The following PCNX2 variants were observed in gnomAD, a reference collection of about 807,000 sequenced individuals.
The protein encoded by PCNX2 is pecanex 2.
A neutral mutation model predicts 223.8 loss-of-function variants in PCNX2; 168 were observed. The ratio of observed to expected loss-of-function variants is 0.75; its 90% CI spans 0.66 to 0.85. The LOEUF is 0.85. Among genes scored for constraint, PCNX2 ranks in the 40% least tolerant of loss-of-function variants. The pLI is 0.00. For missense variants in PCNX2, 2,507 were observed against 2,675.5 expected (o/e 0.94, Z 1.39); for synonymous variants, 1,006 against 1,052.6 (o/e 0.96, Z 0.86).
intron 23 of PCNX2, among the ~76,000 whole-genome samples, chr1:233,089,466 C>T (rs1035353969): frequency 6.6e-6 from 1 of 152,222 alleles, no homozygotes; most frequent in African/African-American, 2.4e-5. Context: ...CATTACTTCT[C>T]TCTTCTCACC....
chr1:232,999,170 C>T lies in PCNX2; in HGVS notation c.5538G>A (p.Lys1846=). The T allele has an allele frequency of 6.2e-7, 1 of 1,613,972 alleles. No individual in the cohort carries two copies. Among genetic ancestry groups the T allele is most frequent in the Non-Finnish European group, 8.5e-7 (1 of 1,179,850 alleles). ...TSYLGTHRQL[K]NIWGGPITLD... Reference sequence around the variant, plus strand: ...AAGTGATGGGTCCACCCCAGATGTTCTTCAGCTGCCTGTGTGTCCCTAGGT... The same window carrying T: ...AAGTGATGGGTCCACCCCAGATGTTTTTCAGCTGCCTGTGTGTCCCTAGGT... The change falls in exon 31 of 34, where the codon AAG becomes AAA. Residue 1846 remains lysine (K), a synonymous_variant. Transcript: ENST00000258229.
intron 21 of PCNX2, among the ~76,000 whole-genome samples, chr1:233,129,062 G>A (rs994441275): frequency 3.3e-5 from 5 of 152,224 alleles, no homozygotes; most frequent in African/African-American, 1.2e-4. Context: ...CGCTGTGGGG[G>A]CCCCTCTCTG....
chr1:233,120,202 GA>G (rs148327443), intron 21 of PCNX2, among the ~76,000 whole-genome samples: 85 of 127,072 alleles, frequency 6.7e-4, no homozygotes, highest in African/African-American at 2.2e-3. Flanking sequence ...AAAGAAAAAA[GA>G]AAAAAAAAGA....
intron 23 of PCNX2, among the ~76,000 whole-genome samples, chr1:233,082,239 T>C (rs1018612246): frequency 1.3e-5 from 2 of 152,152 alleles, no homozygotes; most frequent in African/African-American, 2.4e-5. Context: ...TTAGAGAAGA[T>C]GAGCAGATGT....
chr1:233,273,829 T>G (rs1660777809), intron 1 of PCNX2, among the ~76,000 whole-genome samples: 1 of 152,098 alleles, frequency 6.6e-6, no homozygotes, highest in Non-Finnish European at 1.5e-5. Context: ...TTCACCATGT[T>G]GGCCAGGCTG....
At chr1:233,292,141 C>CA (rs1483512563) in intron 1 of PCNX2, 6 of 665,400 alleles carry the variant, frequency 9.0e-6, no homozygotes, top group African/African-American at 8.0e-5. Context: ...TTAAAATACT[C>CA]AAAGTATCTG....
intron 8 of PCNX2, among the ~76,000 whole-genome samples, chr1:233,243,822 CTTTATTT>C (rs954308166): frequency 7.4e-5 from 11 of 148,236 alleles, no homozygotes; most frequent in African/African-American, 1.8e-4. Flanking sequence ...GTACTATCAC[CTTTATTT>C]TTTATTTTTT....
intron 13 of PCNX2, among the ~76,000 whole-genome samples, chr1:233,206,321 ATGTGCCCTTGAGCTGTGGACTCC>A (rs1681457398): frequency 6.6e-6 from 1 of 151,864 alleles, no homozygotes; most frequent in East Asian, 1.9e-4. Context: ...CCAGGTCCTC[ATGTGCCCTTGAGCTGTGGACTCC>A]AACACTGCTG....
chr1:233,290,369 G>A (rs954338854), intron 1 of PCNX2, among the ~76,000 whole-genome samples: 2 of 152,194 alleles, frequency 1.3e-5, no homozygotes, highest in African/African-American at 2.4e-5. Flanking sequence ...ATAAGGGATC[G>A]CTAGAAGGAT....
intron 1 of PCNX2, among the ~76,000 whole-genome samples, chr1:233,271,916 C>G (rs533890082): frequency 9.2e-5 from 14 of 152,272 alleles, no homozygotes; most frequent in African/African-American, 3.4e-4. Context: ...GTGATGCCTC[C>G]AGATTTGTTC....
chr1:233,321,309 T>C, the PCNX2 span, among the ~76,000 whole-genome samples: 1 of 152,170 alleles, frequency 6.6e-6, no homozygotes, highest in Non-Finnish European at 1.5e-5. Context: ...TTTCTTTTTA[T>C]TTTTTTGAGA....
chr1:233,035,045 C>A (rs77704346), intron 25 of PCNX2, among the ~76,000 whole-genome samples: 1,531 of 152,194 alleles, frequency 0.01, 12 homozygotes, highest in Non-Finnish European at 0.016. Context: ...TGATAGGGAC[C>A]AGAACTAAGG....
At chr1:232,987,078 C>T (rs1015361327) in intron 32 of PCNX2, among the ~76,000 whole-genome samples, 2 of 152,216 alleles carry the variant, frequency 1.3e-5, no homozygotes, top group African/African-American at 4.8e-5. Flanking sequence ...CCCATGCCCT[C>T]GCCTCTTTTC....
rs1659923524 is a variant in PCNX2 at position 233,259,313 on chromosome 1, T to C, written c.549A>G (p.Ala183=). 2 of 1,613,436 alleles carry C rather than the reference T, an allele frequency of 1.2e-6. No individual in the cohort carries two copies. Among genetic ancestry groups the C allele is most frequent in the Non-Finnish European group, 1.7e-6 (2 of 1,179,612 alleles). The part of the protein sequence containing the change: ...GVILLEDHPI[A]PVSSTSPGIK... ...TACCAGGTGAGGTAGATGACACTGG[T>C]GCTATGGGATGGTCTTCTAATAGAA... The change falls in exon 5 of 34, where the codon GCA becomes GCG. Residue 183 remains alanine (A), a synonymous_variant. Transcript: ENST00000258229.
chr1:233,006,203 TGAC>T (rs1293583583), intron 28 of PCNX2, among the ~76,000 whole-genome samples: 2 of 152,160 alleles, frequency 1.3e-5, no homozygotes, highest in East Asian at 3.9e-4. Context: ...CGCTTTCAGA[TGAC>T]GATGAGGAGC....
At chr1:233,232,834 C>G in intron 9 of PCNX2, 1 of 985,284 alleles carries the variant, frequency 1.0e-6, no homozygotes, top group Non-Finnish European at 1.2e-6. Context: ...CAGTTTAGGA[C>G]CAATGCAATG....
intron 25 of PCNX2, 22 bp downstream of exon 25, chr1:233,054,246 T>G: frequency 6.2e-7 from 1 of 1,603,934 alleles, no homozygotes; most frequent in Non-Finnish European, 8.5e-7. Flanking sequence ...TTCAACAGTT[T>G]CTACAATGAA....
At chr1:233,312,601 C>T in the PCNX2 span, among the ~76,000 whole-genome samples, 533 of 152,154 alleles carry the variant, frequency 3.5e-3, no homozygotes, top group Non-Finnish European at 6.3e-3. Flanking sequence ...GACGAAAAAC[C>T]CTTCCAAATT....
chr1:233,263,481 T>C (rs1380712300), intron 1 of PCNX2, among the ~76,000 whole-genome samples: 1 of 145,870 alleles, frequency 6.9e-6, no homozygotes, highest in East Asian at 2.0e-4. Flanking sequence ...TTTGAGACAG[T>C]GTCTCACTGT....
Sources: gnomAD v4.1 joint callset for allele counts (sites outside exome capture counted in the v4.1 genomes callset) on GRCh38, gnomAD v4.1.1 for gene constraint, MANE v1.5 for transcripts, NCBI Gene and HGNC (gene_info 2026-07-23, HGNC 2026-07-21) for gene names.